RP1L1: variants seen among roughly 807,000 people sequenced by gnomAD.
RP1L1 encodes RP1 like 1, also known as retinitis pigmentosa 1-like 1 protein.
In RP1L1, 27 loss-of-function variants were observed where a neutral mutation model predicts 15.7. The observed-to-expected ratio is 1.72, with a 90% CI of 1.27 to 2.38. The LOEUF is 2.38. Ranked by LOEUF, RP1L1 falls within the 30% of genes most tolerant of loss-of-function variation. The probability of loss-of-function intolerance (pLI) is 0.00; values close to 1 mark genes in which losing one functional copy is unlikely to be tolerated. For synonymous variants in RP1L1, 1,813 were observed against 1,276.7 expected (o/e 1.42, Z -8.96); for missense variants, 4,798 against 3,075.9 (o/e 1.56, Z -13.24).
At chr8:10,615,637 T>TC (rs1291027072) in intron 3 of RP1L1, among the ~76,000 whole-genome samples, 1 of 151,976 alleles carries the variant, frequency 6.6e-6, no homozygotes, top group African/African-American at 2.4e-5. Context: ...CAAATCATCC[T>TC]CCCCCCTCAG....
At chr8:10,631,122 C>T (rs1010600669) in intron 1 of RP1L1, among the ~76,000 whole-genome samples, 3 of 152,142 alleles carry the variant, frequency 2.0e-5, no homozygotes, top group Non-Finnish European at 4.4e-5. Flanking sequence ...GTTGTGAAAG[C>T]GGTGATCACC....
At position 10,606,949 on chromosome 8, in the gene RP1L1, G is replaced by T. The variant is rs777397791; in HGVS notation, c.7149C>A (p.Pro2383=). Residue 2383 remains proline, a synonymous_variant, in exon 4 of 4, where the codon CCC becomes CCA. Transcript: ENST00000382483. ...CGTCTGCCCTGCCCACTGCCTCAGT[G>T]GGGGCGAGACTTCCGAGTGCCTGGT... ...QEDQALGSLA[P]TEAVGRADGF... 24 of 1,614,122 alleles carry T rather than the reference G, an allele frequency of 1.5e-5. No individual in the cohort carries two copies. Among genetic ancestry groups the T allele is most frequent in the Middle Eastern group, 3.3e-4 (2 of 6,084 alleles).
rs765489789 is a variant in RP1L1, at chr8:10,611,921, G to C, written c.2177C>G (p.Ser726Cys). The C allele has an allele frequency of 1.2e-6, 2 of 1,613,804 alleles. No homozygotes were observed. The highest frequency in any genetic ancestry group is 1.3e-5 in the African/African-American group (1 of 74,960). The change falls in exon 4 of 4, where the codon TCT becomes TGT. Residue 726 changes from serine (S) to cysteine (C), a missense_variant. Physicochemically the swap from Ser to Cys is moderately radical, Grantham distance 112 (BLOSUM62 -1). Coordinates refer to ENST00000382483, the MANE Select transcript of RP1L1 (RefSeq NM_178857.6). ...TCCCAGAAGGTCCTGGGAAGGAAGAGAGCCCGAGGAGGGAGGTCTCAGGTT... is the reference window on the plus strand; with the variant it reads ...TCCCAGAAGGTCCTGGGAAGGAAGACAGCCCGAGGAGGGAGGTCTCAGGTT... ...SGNLRPPSSGSLPSQDLLGTS... is the reference protein window; with the variant it reads ...SGNLRPPSSGCLPSQDLLGTS...
chr8:10,636,631 C>G (rs1445963942), intron 1 of RP1L1, among the ~76,000 whole-genome samples: 1 of 152,208 alleles, frequency 6.6e-6, no homozygotes, highest in African/African-American at 2.4e-5. Context: ...GTTGTTTTAA[C>G]TGCTCTCAGC....
Position 10,606,539 on chromosome 8 carries a change from G to C in RP1L1, c.*356C>G, listed in dbSNP as rs79353166. ...AGGGAAAAGACAGAGAGCAACACTTGCTAGCAGAAAACAAACCCACAAACA... is the reference window on the plus strand; with the variant it reads ...AGGGAAAAGACAGAGAGCAACACTTCCTAGCAGAAAACAAACCCACAAACA... On this transcript the variant is annotated 3_prime_UTR_variant, in exon 4 of 4. Coordinates refer to ENST00000382483, the MANE Select transcript of RP1L1 (RefSeq NM_178857.6). 7.3e-3 allele frequency: 2,108 copies of C among 289,440 alleles called. 35 individuals are homozygous for C. Among genetic ancestry groups the C allele is most frequent in the African/African-American group, 0.044 (1,979 of 45,164 alleles). The allele number at this position is 289,440 out of a possible 1,614,324, so 17.9% of individuals were successfully genotyped here.
At chr8:10,625,420 G>C (rs1157243062) in intron 1 of RP1L1, among the ~76,000 whole-genome samples, 7 of 151,976 alleles carry the variant, frequency 4.6e-5, no homozygotes, top group Non-Finnish European at 1.0e-4. Context: ...ACACAGGGAA[G>C]AGGGGGCCAG....
Position 10,612,412 on chromosome 8 carries a change from C to T in RP1L1, c.1686G>A (p.Glu562=), listed in dbSNP as rs772328701. 6.0e-5 allele frequency: 97 copies of T among 1,612,650 alleles called. 1 individual carries two copies. The highest frequency in any genetic ancestry group is 7.5e-5 in the Non-Finnish European group (89 of 1,180,048). ...CCTCGCTGGCCTCCTGCTGAGAGGT[C>T]TCGGCCCTTGCCTTGCCTGGACAGC... The part of the protein sequence containing the change: ...PQGCPGKARA[E]TSQQEASEGG... The change falls in exon 4 of 4, where the codon GAG becomes GAA. Residue 562 remains glutamate (E), a synonymous_variant. Transcript: ENST00000382483.
At chr8:10,622,297 G>C (rs1320227004) in intron 2 of RP1L1, among the ~76,000 whole-genome samples, 1 of 146,908 alleles carries the variant, frequency 6.8e-6, no homozygotes, top group African/African-American at 2.5e-5. Flanking sequence ...TGCAGCCTGG[G>C]TGACAAAAGT....
chr8:10,622,837 C>G lies in RP1L1; in HGVS notation c.365G>C (p.Arg122Thr). 6.2e-7 allele frequency: 1 copy of G among 1,613,240 alleles called. No homozygotes were observed. The highest frequency in any genetic ancestry group is 8.5e-7 in the Non-Finnish European group (1 of 1,179,386). Residue 122 changes from arginine (R) to threonine (T), a missense_variant, in exon 2 of 4, where the codon AGA (arginine) becomes ACA (threonine). Coordinates refer to ENST00000382483, the MANE Select transcript of RP1L1 (RefSeq NM_178857.6). Reference protein sequence around the residue: ...TPSGPGRPQERNPTAQQLRDV... With the variant: ...TPSGPGRPQETNPTAQQLRDV... ...CCGCAACTGCTGAGCAGTGGGGTTT[C>G]TCTCCTGTGGCCGGCCTGGTCCACT...
Position 10,610,254 on chromosome 8 carries a change from CCTCA to C in RP1L1, c.3840_3843del (p.Ser1280ArgfsTer12), listed in dbSNP as rs749008883. 6.2e-7 allele frequency: 1 copy of C among 1,614,160 alleles called. No individual in the cohort carries two copies. The highest frequency in any genetic ancestry group is 1.1e-5 in the South Asian group (1 of 91,072). On this transcript the variant is annotated frameshift_variant, in exon 4 of 4. Transcript: ENST00000382483. LOFTEE classifies it low-confidence loss of function (END_TRUNC). The stretch of plus-strand genomic sequence containing the variant: ...TCCAGGTTCGAGCTCGCCCTCTGCT[CCTCA>C]CTGTCTCTTTCTGCTTCATCCTCAT...
At chr8:10,645,153 C>T (rs1400856250) in intron 1 of RP1L1, among the ~76,000 whole-genome samples, 1 of 152,026 alleles carries the variant, frequency 6.6e-6, no homozygotes, top group African/African-American at 2.4e-5. Flanking sequence ...ATAGCCAGAT[C>T]CCATCTCTAC....
rs763538241 is a variant in RP1L1 at position 10,612,678 on chromosome 8, T to C, written c.1420A>G (p.Arg474Gly). The stretch of plus-strand genomic sequence containing the variant: ...CTGTCCACCCCGTCCTCCGGGGTCC[T>C]GGGGCAGCAGGAGGACTCTGGCTCC... ...GSEPESSCCP[R>G]TPEDGVDSAS... The change falls in exon 4 of 4, where the codon AGG (arginine) becomes GGG (glycine). Residue 474 changes from arginine to glycine, a missense_variant. Transcript: ENST00000382483. 2.1e-5 allele frequency: 33 copies of C among 1,602,342 alleles called. No individual in the cohort carries two copies. The South Asian group carries it at 3.4e-4, about 17-fold the overall frequency.
In RP1L1 at chr8:10,613,131, C is replaced by A. The variant is rs200724846; in HGVS notation, c.967G>T (p.Val323Leu). ...VRMNEDGSLSVEMKVRFHLVG... is the reference protein window; with the variant it reads ...VRMNEDGSLSLEMKVRFHLVG... Reference sequence around the variant, plus strand: ...AGGTGGAAGCGGACTTTCATCTCCACGGACAGGCTGCCGTCCTCATTCATG... The same window carrying A: ...AGGTGGAAGCGGACTTTCATCTCCAAGGACAGGCTGCCGTCCTCATTCATG... The change falls in exon 4 of 4, where the codon GTG becomes TTG. Residue 323 changes from valine to leucine, a missense_variant. By Grantham distance (32) the Val-to-Leu change is conservative (BLOSUM62 1). Coordinates refer to ENST00000382483, the MANE Select transcript of RP1L1 (RefSeq NM_178857.6). 1.2e-6 allele frequency: 2 copies of A among 1,613,958 alleles called. No homozygotes were observed. The highest frequency in any genetic ancestry group is 2.7e-5 in the African/African-American group (2 of 75,080).
intron 1 of RP1L1, among the ~76,000 whole-genome samples, chr8:10,630,757 A>G (rs1798228570): frequency 6.6e-6 from 1 of 152,258 alleles, no homozygotes; most frequent in Admixed American, 6.5e-5. Context: ...TCATTTTAAA[A>G]AGCTCTCCAG....
chr8:10,648,634 G>A (rs1169849806), intron 1 of RP1L1, among the ~76,000 whole-genome samples: 6 of 152,278 alleles, frequency 3.9e-5, no homozygotes, highest in Non-Finnish European at 5.9e-5. Context: ...TGTCTCCTTC[G>A]AAGTCACCCC....
chr8:10,643,200 T>A (rs1421156545), intron 1 of RP1L1, among the ~76,000 whole-genome samples: 1 of 151,734 alleles, frequency 6.6e-6, no homozygotes, highest in Non-Finnish European at 1.5e-5. Flanking sequence ...GTTAGGTGGG[T>A]GTGGTGGCAT....
At chr8:10,654,518 C>T (rs552207977) in intron 1 of RP1L1, among the ~76,000 whole-genome samples, 12 of 152,208 alleles carry the variant, frequency 7.9e-5, no homozygotes, top group African/African-American at 2.9e-4. Flanking sequence ...GGGCAGCTGC[C>T]CACCTCTCCC....
chr8:10,631,406 C>CAT (rs1491198846), intron 1 of RP1L1, among the ~76,000 whole-genome samples: 1 of 138,262 alleles, frequency 7.2e-6, no homozygotes, highest in African/African-American at 2.6e-5. Context: ...CGCACACACA[C>CAT]GCACACACGC....
chr8:10,609,501 G>A lies in RP1L1; in HGVS notation c.4597C>T (p.His1533Tyr). The part of the protein sequence containing the change: ...LKKTEKAFLA[H>Y]LASAVAELRA... ...AGCTCAGCCACCGCACTGGCAAGGT[G>A]GGCCAGGAAGGCCTTCTCCGTCTTC... The change falls in exon 4 of 4, where the codon CAC (histidine) becomes TAC (tyrosine). Residue 1533 changes from histidine to tyrosine, a missense_variant. Physicochemically the swap from His to Tyr is moderately conservative, Grantham distance 83. Coordinates refer to ENST00000382483, the MANE Select transcript of RP1L1 (RefSeq NM_178857.6). 1 of 1,610,316 alleles carries A rather than the reference G, an allele frequency of 6.2e-7. No homozygotes were observed.
Sources: allele counts gnomAD v4.1 joint callset (sites outside exome capture counted in the v4.1 genomes callset), GRCh38; gene constraint gnomAD v4.1.1; transcripts MANE v1.5; gene names NCBI Gene and HGNC (gene_info 2026-07-23, HGNC 2026-07-21).